EYS: variants seen among roughly 807,000 people sequenced by gnomAD.
EYS encodes the protein protein eyes shut homolog.
In EYS, 250 loss-of-function variants were observed where a neutral mutation model predicts 282.1. The ratio of observed to expected loss-of-function variants is 0.89; its 90% CI spans 0.80 to 0.98. The LOEUF (loss-of-function observed/expected upper bound fraction) is 0.98. EYS is among the 50% of genes least tolerant of loss of function. The probability of loss-of-function intolerance (pLI) is 0.00; values close to 1 mark genes in which losing one functional copy is unlikely to be tolerated. For missense variants in EYS, 4,016 were observed against 3,709.0 expected (o/e 1.08, Z -2.15); for synonymous variants, 1,355 against 1,282.9 (o/e 1.06, Z -1.20).
At chr6:64,229,534 GC>G (rs1766355961) in intron 31 of EYS, among the ~76,000 whole-genome samples, 1 of 152,112 alleles carries the variant, frequency 6.6e-6, no homozygotes, top group African/African-American at 2.4e-5. Context: ...TATCTTCAGA[GC>G]ATTTTATAGA....
At chr6:63,815,578 A>G (rs919974296) in intron 36 of EYS, among the ~76,000 whole-genome samples, 1 of 152,204 alleles carries the variant, frequency 6.6e-6, no homozygotes, top group African/African-American at 2.4e-5. Context: ...TCCTCCTTCT[A>G]TATTTAATAG....
intron 19 of EYS, among the ~76,000 whole-genome samples, chr6:64,859,671 G>A (rs1435981067): frequency 6.6e-6 from 1 of 152,210 alleles, no homozygotes; most frequent in Non-Finnish European, 1.5e-5. Context: ...TGCCATGTGA[G>A]ATGTGCCTTT....
At chr6:63,964,870 G>A (rs2149778564) in intron 35 of EYS, among the ~76,000 whole-genome samples, 1 of 152,278 alleles carries the variant, frequency 6.6e-6, no homozygotes, top group East Asian at 1.9e-4. Flanking sequence ...AAGAAAAACA[G>A]CCAGTAAGAT....
intron 5 of EYS, among the ~76,000 whole-genome samples, chr6:65,421,701 TC>T (rs1767464675): frequency 6.6e-6 from 1 of 151,920 alleles, no homozygotes; most frequent in South Asian, 2.1e-4. Context: ...GTGTGACTTT[TC>T]CTTTCACTGA....
chr6:65,006,202 G>C (rs538923347), intron 13 of EYS, among the ~76,000 whole-genome samples: 6 of 151,562 alleles, frequency 4.0e-5, no homozygotes, highest in Middle Eastern at 3.4e-3. Flanking sequence ...AGAGAGAGAC[G>C]GAGAGAGAGA....
chr6:64,909,609 A>T (rs1241677557), intron 16 of EYS, among the ~76,000 whole-genome samples: 1 of 152,094 alleles, frequency 6.6e-6, no homozygotes, highest in Non-Finnish European at 1.5e-5. Flanking sequence ...TTATTCATAG[A>T]GACCCAATTA....
chr6:63,902,841 T>TC (rs1373917084), intron 35 of EYS, among the ~76,000 whole-genome samples: 1,557 of 152,286 alleles, frequency 0.01, 29 homozygotes, highest in African/African-American at 0.035. Context: ...GCATGGGCGG[T>TC]AACAGTATAT....
At chr6:64,053,485 G>C (rs1770881233) in intron 33 of EYS, among the ~76,000 whole-genome samples, 1 of 152,048 alleles carries the variant, frequency 6.6e-6, no homozygotes, top group Admixed American at 6.6e-5. Flanking sequence ...GTAGTGATTA[G>C]AGTTAGACTC....
chr6:65,260,852 A>T (rs1290025294), intron 12 of EYS, among the ~76,000 whole-genome samples: 2 of 152,096 alleles, frequency 1.3e-5, no homozygotes, highest in Non-Finnish European at 2.9e-5. Flanking sequence ...ATTTTCCTAT[A>T]AGAACTTATT....
chr6:64,303,708 G>T (rs1769319839), intron 30 of EYS, among the ~76,000 whole-genome samples: 1 of 151,536 alleles, frequency 6.6e-6, no homozygotes, highest in Non-Finnish European at 1.5e-5. Flanking sequence ...GGGCATGGTG[G>T]CGCGCGCCTG....
chr6:64,266,749 A>G (rs1374008349), intron 30 of EYS, among the ~76,000 whole-genome samples: 1 of 152,172 alleles, frequency 6.6e-6, no homozygotes, highest in African/African-American at 2.4e-5. Flanking sequence ...CTGAGGAGTC[A>G]CCAGCATTAC....
intron 29 of EYS, among the ~76,000 whole-genome samples, chr6:64,333,161 A>G (rs145827931): frequency 6.6e-6 from 1 of 152,290 alleles, no homozygotes; most frequent in Non-Finnish European, 1.5e-5. Context: ...AGGCAGCCCA[A>G]GAATGTTATG....
chr6:65,281,391 T>C (rs566364557), intron 12 of EYS, among the ~76,000 whole-genome samples: 75 of 152,284 alleles, frequency 4.9e-4, no homozygotes, highest in African/African-American at 1.8e-3. Flanking sequence ...TCACAATGTA[T>C]GTAGTTCTTA....
intron 24 of EYS, among the ~76,000 whole-genome samples, chr6:64,599,215 A>T (rs1247917633): frequency 6.6e-6 from 1 of 152,222 alleles, no homozygotes; most frequent in Non-Finnish European, 1.5e-5. Context: ...AGCTTACTGT[A>T]GATAATATAC....
At chr6:64,054,830 T>C (rs1770928170) in intron 33 of EYS, among the ~76,000 whole-genome samples, 1 of 152,196 alleles carries the variant, frequency 6.6e-6, no homozygotes, top group Non-Finnish European at 1.5e-5. Flanking sequence ...AAATATTTCA[T>C]GGTGGCTGTC....
intron 23 of EYS, 26 bp downstream of exon 23, chr6:64,626,095 A>G (rs1562098461): frequency 7.5e-7 from 1 of 1,328,076 alleles, no homozygotes; most frequent in Non-Finnish European, 1.0e-6. Flanking sequence ...TATATGCAGT[A>G]TGCTTATTAT....
At chr6:64,701,913 G>GT (rs199911375) in intron 22 of EYS, among the ~76,000 whole-genome samples, 4,335 of 151,542 alleles carry the variant, frequency 0.029, 128 homozygotes, top group East Asian at 0.15. Flanking sequence ...AAATAGTCTG[G>GT]TTTTTTTTGA....
At chr6:65,219,220 T>C (rs1372838876) in intron 12 of EYS, among the ~76,000 whole-genome samples, 1 of 152,220 alleles carries the variant, frequency 6.6e-6, no homozygotes, top group African/African-American at 2.4e-5. Context: ...CACATACATA[T>C]ATTTGGATGG....
chr6:64,079,856 A>C (rs1335689619), intron 32 of EYS, among the ~76,000 whole-genome samples: 1 of 152,092 alleles, frequency 6.6e-6, no homozygotes, highest in Non-Finnish European at 1.5e-5. Context: ...GCTGAGAAGG[A>C]TGGTTTCCAG....
Sources: gnomAD v4.1 joint callset for allele counts (sites outside exome capture counted in the v4.1 genomes callset) on GRCh38, gnomAD v4.1.1 for gene constraint, MANE v1.5 for transcripts, NCBI Gene and HGNC (gene_info 2026-07-23, HGNC 2026-07-21) for gene names.